ATF7IP: variants seen among roughly 807,000 people sequenced by gnomAD.
ATF7IP encodes the protein activating transcription factor 7-interacting protein 1.
Under a neutral mutation model 106.4 loss-of-function variants are expected in ATF7IP, and 23 were observed. That is an observed-to-expected ratio of 0.22 (90% CI 0.16 to 0.31). The LOEUF (loss-of-function observed/expected upper bound fraction) is 0.31. Ranked by LOEUF, ATF7IP falls within the 10% of genes least tolerant of loss-of-function variation. The pLI, the probability that ATF7IP is intolerant of heterozygous loss-of-function variation, is 1.00. For synonymous variants in ATF7IP, 542 were observed against 539.0 expected, an observed-to-expected ratio of 1.01 and a Z score of -0.08; for missense variants, 1,334 against 1,524.3, an observed-to-expected ratio of 0.88 and a Z score of 2.08.
chr12:14,487,269 G>A lies in ATF7IP; in HGVS notation c.3280+6084G>A, dbSNP rs933310193. Among the ~76,000 whole-genome samples the A allele has an allele frequency of 1.5e-4, 22 of 149,452 alleles. 5 individuals are homozygous for A. Among genetic ancestry groups the A allele is most frequent in the African/African-American group, 5.1e-4 (20 of 38,880 alleles). On this transcript the variant is annotated intron_variant, in intron 13 of 14. Transcript: ENST00000261168. The stretch of plus-strand genomic sequence containing the variant: ...TATCCATCCCCATGCCTGTTCTCTA[G>A]GTTTCTGTTTATGTAAATTAGAGAA...
chr12:14,478,739 C>G (rs1205392762), intron 12 of ATF7IP, among the ~76,000 whole-genome samples: 1 of 152,114 alleles, frequency 6.6e-6, no homozygotes, highest in Non-Finnish European at 1.5e-5. Flanking sequence ...AAAAAGCATT[C>G]ACATCCAAAA....
intron 13 of ATF7IP, among the ~76,000 whole-genome samples, chr12:14,484,729 A>C (rs1644852420): frequency 6.6e-6 from 1 of 152,162 alleles, no homozygotes; most frequent in Non-Finnish European, 1.5e-5. Flanking sequence ...GCGTGACAGG[A>C]GTGGAGATAT....
intron 1 of ATF7IP, among the ~76,000 whole-genome samples, chr12:14,412,943 G>C (rs1941002675): frequency 6.6e-6 from 1 of 152,234 alleles, no homozygotes; most frequent in Non-Finnish European, 1.5e-5. Context: ...GAACCCAGGA[G>C]GCGGAGGCTA....
At chr12:14,378,112 T>TC (rs1386842335) in intron 1 of ATF7IP, among the ~76,000 whole-genome samples, 7 of 151,494 alleles carry the variant, frequency 4.6e-5, no homozygotes, top group Admixed American at 2.0e-4. Flanking sequence ...TTTTTTTTTT[T>TC]TTTGAAATGG....
intron 1 of ATF7IP, among the ~76,000 whole-genome samples, chr12:14,395,890 T>C (rs1939811441): frequency 6.6e-6 from 1 of 152,266 alleles, no homozygotes; most frequent in East Asian, 1.9e-4. Context: ...CCACTAAATT[T>C]CATATTTCTT....
chr12:14,462,567 G>A (rs1943683567), intron 9 of ATF7IP, among the ~76,000 whole-genome samples: 1 of 151,922 alleles, frequency 6.6e-6, no homozygotes, highest in African/African-American at 2.4e-5. Flanking sequence ...TATTTTAAGA[G>A]TATTTTGTTT....
intron 1 of ATF7IP, 93 bp downstream of exon 1, chr12:14,365,920 G>A (rs1054228086): frequency 6.6e-6 from 1 of 152,408 alleles, no homozygotes; most frequent in African/African-American, 2.4e-5. Flanking sequence ...GCGGCTGCGG[G>A]AGTTGTGTCT....
chr12:14,462,126 A>G (rs186449330), intron 9 of ATF7IP, among the ~76,000 whole-genome samples: 1 of 152,134 alleles, frequency 6.6e-6, no homozygotes, highest in Admixed American at 6.5e-5. Flanking sequence ...GAAGCTGGAT[A>G]TCACTCATCA....
chr12:14,375,116 G>T (rs1055515379), intron 1 of ATF7IP, among the ~76,000 whole-genome samples: 4 of 149,620 alleles, frequency 2.7e-5, no homozygotes, highest in Admixed American at 2.0e-4. Flanking sequence ...TGAAAGAATA[G>T]AATTCCTTCG....
intron 1 of ATF7IP, among the ~76,000 whole-genome samples, chr12:14,387,668 T>C (rs888804784): frequency 2.0e-5 from 3 of 152,218 alleles, no homozygotes; most frequent in Admixed American, 2.0e-4. Context: ...TTTTTGCAAC[T>C]GTAAGCATAA....
At chr12:14,392,529 C>T (rs1939616438) in intron 1 of ATF7IP, among the ~76,000 whole-genome samples, 1 of 152,190 alleles carries the variant, frequency 6.6e-6, no homozygotes, top group African/African-American at 2.4e-5. Context: ...ATTTATTATG[C>T]ACCTATTATT....
chr12:14,397,378 G>T (rs1327106224), intron 1 of ATF7IP, among the ~76,000 whole-genome samples: 1 of 152,174 alleles, frequency 6.6e-6, no homozygotes, highest in African/African-American at 2.4e-5. Context: ...AAAATGAAAT[G>T]AACCTAAGTG....
chr12:14,401,757 G>A (rs1221428297), intron 1 of ATF7IP, among the ~76,000 whole-genome samples: 14 of 124,984 alleles, frequency 1.1e-4, no homozygotes, highest in Non-Finnish European at 1.7e-4. Context: ...TCGCTGTGTC[G>A]CTCAGGCTGG....
Position 14,498,290 on chromosome 12 carries a change from G to T in ATF7IP, c.*217G>T. ...AGTTTAGGCTTTGGGGTTTGGAAAT[G>T]TAAATGTGTACCTTGCTTTAGTTTT... On this transcript the variant is annotated 3_prime_UTR_variant, in exon 15 of 15. Coordinates refer to ENST00000261168, the MANE Select transcript of ATF7IP (RefSeq NM_018179.5). 2.1e-6 allele frequency: 1 copy of T among 482,308 alleles called. No homozygotes were observed. The highest frequency in any genetic ancestry group is 3.2e-5 in the East Asian group (1 of 31,642). The allele number at this position is 482,308 out of a possible 1,614,324, so 29.9% of individuals were successfully genotyped here.
intron 1 of ATF7IP, among the ~76,000 whole-genome samples, chr12:14,417,799 C>A (rs914716522): frequency 2.0e-5 from 3 of 152,154 alleles, no homozygotes; most frequent in Admixed American, 6.5e-5. Flanking sequence ...AAACAAAGAA[C>A]CACACTTAAG....
intron 9 of ATF7IP, chr12:14,466,271 A>G (rs1028396963): frequency 1.4e-5 from 5 of 351,272 alleles, no homozygotes; most frequent in African/African-American, 8.6e-5. Context: ...AATTATTTCC[A>G]TGAGATACTG....
intron 1 of ATF7IP, among the ~76,000 whole-genome samples, chr12:14,379,898 G>A (rs1938929132): frequency 6.6e-6 from 1 of 151,430 alleles, no homozygotes; most frequent in African/African-American, 2.4e-5. Context: ...TGTTTATTAT[G>A]GTCTGCTGGC....
At chr12:14,468,789 G>A (rs1262724316) in intron 10 of ATF7IP, among the ~76,000 whole-genome samples, 2 of 152,178 alleles carry the variant, frequency 1.3e-5, no homozygotes, top group Admixed American at 1.3e-4. Flanking sequence ...AAGTATATAT[G>A]TGCTTTCAGT....
At position 14,500,625 on chromosome 12, in the gene ATF7IP, A is replaced by T. The variant is rs183402907; in HGVS notation, c.*2552A>T. On this transcript the variant is annotated 3_prime_UTR_variant, in exon 15 of 15. Coordinates refer to ENST00000261168, the MANE Select transcript of ATF7IP (RefSeq NM_018179.5). ...CTACAAAACTGAAGGCCCATGTTCA[A>T]ATTGTTCTTTATTGGGTGTTTTTAT... 16 of 152,290 alleles carry T rather than the reference A, an allele frequency of 1.1e-4. No homozygotes were observed. The highest frequency in any genetic ancestry group is 3.6e-4 in the African/African-American group (15 of 41,582). The allele number at this position is 152,290 out of a possible 1,614,324, so 9.4% of individuals were successfully genotyped here. A position where few individuals can be genotyped will look rare whatever the true frequency, so the allele number is the denominator to read the frequency against.
Sources: allele counts gnomAD v4.1 joint callset (sites outside exome capture counted in the v4.1 genomes callset), GRCh38; gene constraint gnomAD v4.1.1; transcripts MANE v1.5; gene names NCBI Gene and HGNC (gene_info 2026-07-23, HGNC 2026-07-21).